GAA: variants seen among roughly 807,000 people sequenced by gnomAD.
GAA encodes lysosomal alpha-glucosidase.
A neutral mutation model predicts 103.9 loss-of-function variants in GAA; 88 were observed. That is an observed-to-expected ratio of 0.85 (90% CI 0.71 to 1.01). The LOEUF (loss-of-function observed/expected upper bound fraction) is 1.01. Among genes scored for constraint, GAA ranks in the 50% least tolerant of loss-of-function variants. The probability of loss-of-function intolerance (pLI) is 0.00; values close to 1 mark genes in which losing one functional copy is unlikely to be tolerated. For missense variants in GAA, 1,350 were observed against 1,305.3 expected (o/e 1.03, Z -0.53); for synonymous variants, 572 against 563.1 (o/e 1.02, Z -0.22).
rs111477580 is a variant in GAA, at chr17:80,116,478, G to A, written c.2190-490G>A. 0.017 allele frequency among the ~76,000 whole-genome samples: 2,553 copies of A among 152,348 alleles called. 39 individuals carry two copies. The highest frequency in any genetic ancestry group is 0.052 in the South Asian group (249 of 4,834). On this transcript the variant is annotated intron_variant, in intron 15 of 19. Transcript: ENST00000302262. ...CAGGGCAGAGCTGCGTCACAGGGCA[G>A]GACAGTCTCCGTTAGACGGAGAATC...
intron 15 of GAA, 118 bp downstream of exon 15, chr17:80,113,484 G>A (rs2039295834): frequency 8.3e-6 from 8 of 964,866 alleles, no homozygotes; most frequent in South Asian, 3.7e-5. Flanking sequence ...GGTTGCCGCT[G>A]AGTGAGACAA....
rs573517007 is a variant in GAA at position 80,103,079 on chromosome 17, G to A, written c.-33+1189G>A. On this transcript the variant is annotated intron_variant, in intron 1 of 19. Coordinates refer to ENST00000302262, the MANE Select transcript of GAA (RefSeq NM_000152.5). ...TGGCCCACGGTGGAACACCACGTCCGGCCGGGGGCAGAGCGTTCCCAGCCA... is the reference window on the plus strand; with the variant it reads ...TGGCCCACGGTGGAACACCACGTCCAGCCGGGGGCAGAGCGTTCCCAGCCA... Among the ~76,000 whole-genome samples the A allele has an allele frequency of 5.3e-5, 8 of 152,354 alleles. No homozygotes were observed. The South Asian group carries it at 6.2e-4, about 12-fold the overall frequency.
In GAA at chr17:80,111,994, G is replaced by C; in HGVS notation, c.1648G>C (p.Gly550Arg). Reference sequence around the variant, plus strand: ...CCCGCCTCTTCCAGGGGTGGTTGGGGGGACCCTCCAGGCGGCCACCATCTG... The same window carrying C: ...CCCGCCTCTTCCAGGGGTGGTTGGGCGGACCCTCCAGGCGGCCACCATCTG... ...NPPYVPGVVG[G>R]TLQAATICAS... Residue 550 changes from glycine (G) to arginine (R), a missense_variant, in exon 12 of 20, where the codon GGG (glycine) becomes CGG (arginine). Gly to Arg is a moderately radical substitution (Grantham distance 125). Coordinates refer to ENST00000302262, the MANE Select transcript of GAA (RefSeq NM_000152.5). 6.2e-7 allele frequency: 1 copy of C among 1,613,670 alleles called. No homozygotes were observed. Among genetic ancestry groups the C allele is most frequent in the South Asian group, 1.1e-5 (1 of 91,086 alleles).
Position 80,109,287 on chromosome 17 carries a change from C to T in GAA, c.1326+459C>T, listed in dbSNP as rs74679377. Among the ~76,000 whole-genome samples the T allele has an allele frequency of 4.9e-3, 741 of 152,278 alleles. 14 individuals carry two copies. The East Asian group carries it at 0.063, about 13-fold the overall frequency. On this transcript the variant is annotated intron_variant, in intron 8 of 19. Transcript: ENST00000302262. ...CAGCCCTCATGCTGGCACCACAGAG[C>T]GGAGACTTCTTCCCATCAGCTCCCA... is the stretch of plus-strand genomic sequence containing the variant.
chr17:80,112,145 G>T (rs1159714109), intron 12 of GAA, 45 bp downstream of exon 12: 7 of 1,564,392 alleles, frequency 4.5e-6, no homozygotes, highest in Non-Finnish European at 8.8e-7. Flanking sequence ...CTCACAGCCT[G>T]TCCTACAAGG....
At chr17:80,111,052 G>C in intron 11 of GAA, 27 bp downstream of exon 11, 1 of 1,607,474 alleles carries the variant, frequency 6.2e-7, no homozygotes, top group African/African-American at 1.3e-5. Context: ...CCTACCCTGG[G>C]GACTTAATCA....
chr17:80,111,128 A>C, intron 11 of GAA, 103 bp downstream of exon 11: 36 of 945,452 alleles, frequency 3.8e-5, no homozygotes, highest in East Asian at 5.9e-5. Context: ...CAGATGGGCC[A>C]GCGGGGAAAG....
chr17:80,112,237 C>T, intron 12 of GAA, 137 bp downstream of exon 12: 2 of 859,920 alleles, frequency 2.3e-6, no homozygotes, highest in Non-Finnish European at 3.8e-6. Flanking sequence ...CGAGTGCTCT[C>T]CCCACCCGCT....
At chr17:80,105,963 C>T in intron 3 of GAA, 69 bp downstream of exon 3, 3 of 1,521,456 alleles carry the variant, frequency 2.0e-6, no homozygotes, top group Middle Eastern at 2.4e-4. Flanking sequence ...CAGGGAGGGC[C>T]ACACGCGTTT....
intron 5 of GAA, 27 bp from the exon 6 acceptor site, chr17:80,108,263 C>G (rs1451024783): frequency 6.2e-7 from 1 of 1,613,264 alleles, no homozygotes; most frequent in African/African-American, 1.3e-5. Flanking sequence ...AATCTGTCCC[C>G]CAACCCCAGA....
At chr17:80,118,883 T>A in intron 19 of GAA, 78 bp downstream of exon 19, 1 of 1,533,608 alleles carries the variant, frequency 6.5e-7, no homozygotes, top group Non-Finnish European at 8.9e-7. Flanking sequence ...GGCGTCCTGG[T>A]GACCGATGCC....
rs1332057990 is a variant in GAA, at chr17:80,116,708, G to A, written c.2190-260G>A. On this transcript the variant is annotated intron_variant, in intron 15 of 19. Coordinates refer to ENST00000302262, the MANE Select transcript of GAA (RefSeq NM_000152.5). The stretch of plus-strand genomic sequence containing the variant: ...TGAGGCCAGTGCTGTGTCCATCCTG[G>A]TGCCTCAAGCACAAGCCCCTATTCC... 1.3e-5 allele frequency: 7 copies of A among 543,552 alleles called. No homozygotes were observed. The East Asian group carries it at 1.9e-4, about 15-fold the overall frequency. The allele number at this position is 543,552 out of a possible 1,614,324, so 33.7% of individuals were successfully genotyped here.
chr17:80,110,314 C>A (rs369203156), intron 9 of GAA, among the ~76,000 whole-genome samples: 1 of 152,202 alleles, frequency 6.6e-6, no homozygotes, highest in African/African-American at 2.4e-5. Context: ...CTCAGTGAGG[C>A]CTTAGGGTCC....
Position 80,107,911 on chromosome 17 carries a change from G to C in GAA, c.955+15G>C. 1 of 1,584,216 alleles carries C rather than the reference G, an allele frequency of 6.3e-7. No homozygotes were observed. The highest frequency in any genetic ancestry group is 1.1e-5 in the South Asian group (1 of 87,888). On this transcript the variant is annotated intron_variant, in intron 5 of 19. Coordinates refer to ENST00000302262, the MANE Select transcript of GAA (RefSeq NM_000152.5). Reference sequence around the variant, plus strand: ...CAATGCCATGGGTAAGCTGCCCGCCGCCCAGCGCCCGGGCCGGGGTCTCCT... The same window carrying C: ...CAATGCCATGGGTAAGCTGCCCGCCCCCCAGCGCCCGGGCCGGGGTCTCCT...
chr17:80,110,277 C>G (rs1001717479), intron 9 of GAA, among the ~76,000 whole-genome samples: 9 of 152,236 alleles, frequency 5.9e-5, no homozygotes, highest in Non-Finnish European at 1.2e-4. Flanking sequence ...GCAGCTGGGC[C>G]TGGCCCAGGC....
At position 80,118,488 on chromosome 17, in the gene GAA, C is replaced by G; in HGVS notation, c.2646+131C>G. On this transcript the variant is annotated intron_variant, in intron 18 of 19. Coordinates refer to ENST00000302262, the MANE Select transcript of GAA (RefSeq NM_000152.5). ...GACACTCTAGCAGGTGGCCTGGGGT[C>G]CTAGAGTGAGCAGTGGGGCCGTGCA... 3.5e-6 allele frequency: 5 copies of G among 1,420,524 alleles called. No individual in the cohort carries two copies. In the South Asian group the frequency reaches 5.9e-5, roughly 17 times the overall value. The allele number at this position is 1,420,524 out of a possible 1,614,324, so 88.0% of individuals were successfully genotyped here.
chr17:80,103,936 G>A (rs1006543511), intron 1 of GAA, among the ~76,000 whole-genome samples: 1 of 152,172 alleles, frequency 6.6e-6, no homozygotes, highest in African/African-American at 2.4e-5. Context: ...AATCACTTCC[G>A]CTGACACCCA....
chr17:80,107,752 T>C lies in GAA; in HGVS notation c.858+30T>C, dbSNP rs2304845. ...AGCGGCGGGCGGCGGGCGGGGGCAC[T>C]GAGCTGGGGAGCGCAGGTGCTGAAG... On this transcript the variant is annotated intron_variant, in intron 4 of 19. Transcript: ENST00000302262. 0.71 allele frequency: 1,135,665 copies of C among 1,609,190 alleles called. 404,580 individuals carry two copies. Among genetic ancestry groups the C allele is most frequent in the Middle Eastern group, 0.8 (4,804 of 6,022 alleles).
intron 14 of GAA, 33 bp downstream of exon 14, chr17:80,113,060 G>C (rs775660444): frequency 6.3e-7 from 1 of 1,589,644 alleles, no homozygotes. Flanking sequence ...GCAGGTGGGC[G>C]ATCCCACCCA....
Sources: gnomAD v4.1 joint callset for allele counts (sites outside exome capture counted in the v4.1 genomes callset) on GRCh38, gnomAD v4.1.1 for gene constraint, MANE v1.5 for transcripts, NCBI Gene and HGNC (gene_info 2026-07-23, HGNC 2026-07-21) for gene names.